RYR3: variants seen among roughly 807,000 people sequenced by gnomAD.
RYR3 encodes ryanodine receptor 3.
Under a neutral mutation model 584.3 loss-of-function variants are expected in RYR3, and 207 were observed. The ratio of observed to expected loss-of-function variants is 0.35; its 90% CI spans 0.32 to 0.40. The LOEUF is 0.40. RYR3 is among the 10% of genes least tolerant of loss of function. The pLI is 1.00. For synonymous variants in RYR3, 2,416 were observed against 2,248.5 expected, an observed-to-expected ratio of 1.07 and a Z score of -2.11; for missense variants, 5,616 against 6,089.2, an observed-to-expected ratio of 0.92 and a Z score of 2.59.
rs1412490098 is a variant in RYR3 at position 33,539,471 on chromosome 15, C to T, written c.546+9C>T. ...CCTCTGAAAGATACCTTGTAAGTACCTCATAATATAAGAGTCTTCTGTTTT... is the reference window on the plus strand; with the variant it reads ...CCTCTGAAAGATACCTTGTAAGTACTTCATAATATAAGAGTCTTCTGTTTT... On this transcript the variant is annotated intron_variant, in intron 6 of 103. Coordinates refer to ENST00000634891, the MANE Select transcript of RYR3 (RefSeq NM_001036.6). 3 of 1,520,312 alleles carry T rather than the reference C, an allele frequency of 2.0e-6. 1 individual carries two copies. The Admixed American group carries it at 5.5e-5, about 28-fold the overall frequency. The allele number at this position is 1,520,312 out of a possible 1,614,324, so 94.2% of individuals were successfully genotyped here.
intron 64 of RYR3, among the ~76,000 whole-genome samples, chr15:33,776,082 C>T (rs2073975332): frequency 6.6e-6 from 1 of 152,198 alleles, no homozygotes; most frequent in Non-Finnish European, 1.5e-5. Context: ...TTCTCTACCA[C>T]CTTTTGCTGG....
chr15:33,311,234 G>A lies in RYR3; in HGVS notation c.51+138G>A, dbSNP rs887528771. The A allele has an allele frequency of 1.1e-5, 6 of 564,786 alleles. No homozygotes were observed. The African/African-American group carries it at 1.2e-4, about 11-fold the overall frequency. The allele number at this position is 564,786 out of a possible 1,614,324, so 35.0% of individuals were successfully genotyped here. On this transcript the variant is annotated intron_variant, in intron 1 of 103. Transcript: ENST00000634891. This position sits in a 1 kb window ranked among gnomAD's most constrained non-coding sequence, Gnocchi z 4.4. The stretch of plus-strand genomic sequence containing the variant: ...TTTCTCCGCACCCGCGGGCTGCAGA[G>A]GCGGACCGGCCACCTACCCGCGGGG...
intron 38 of RYR3, among the ~76,000 whole-genome samples, chr15:33,676,092 T>C (rs115590283): frequency 3.9e-5 from 6 of 152,314 alleles, no homozygotes; most frequent in African/African-American, 1.4e-4. Flanking sequence ...TCTCGATTAT[T>C]GGAGTTGACC....
chr15:33,843,240 A>C (rs534815054), intron 91 of RYR3, among the ~76,000 whole-genome samples: 1 of 152,096 alleles, frequency 6.6e-6, no homozygotes, highest in Non-Finnish European at 1.5e-5. Context: ...GAATGGCATG[A>C]ACCCGGGAGG....
At chr15:33,406,175 C>A (rs571295064) in intron 1 of RYR3, among the ~76,000 whole-genome samples, 23 of 152,260 alleles carry the variant, frequency 1.5e-4, no homozygotes, top group African/African-American at 5.5e-4. Flanking sequence ...CCATAGAATA[C>A]CTTCTGTGCT....
chr15:33,493,633 G>C (rs192074445), intron 2 of RYR3, among the ~76,000 whole-genome samples: 1 of 152,120 alleles, frequency 6.6e-6, no homozygotes, highest in Non-Finnish European at 1.5e-5. Flanking sequence ...GTAACATGCC[G>C]ACCATGTGCT....
intron 16 of RYR3, among the ~76,000 whole-genome samples, chr15:33,588,567 G>C (rs898683373): frequency 2.6e-5 from 4 of 151,974 alleles, no homozygotes; most frequent in Non-Finnish European, 5.9e-5. Flanking sequence ...CCCAAATAAT[G>C]TACATTGTAC....
At chr15:33,799,986 C>T (rs2075837163) in intron 67 of RYR3, among the ~76,000 whole-genome samples, 1 of 152,144 alleles carries the variant, frequency 6.6e-6, no homozygotes, top group African/African-American at 2.4e-5. Context: ...TGGCAACTCA[C>T]CCAGCCCTTG....
chr15:33,351,797 A>G (rs11855659), intron 1 of RYR3, among the ~76,000 whole-genome samples: 1 of 150,390 alleles, frequency 6.6e-6, no homozygotes, highest in African/African-American at 2.4e-5. Flanking sequence ...ACCCACAGCC[A>G]ATATCATACT....
At chr15:33,769,765 G>A (rs1467623900) in intron 62 of RYR3, among the ~76,000 whole-genome samples, 1 of 151,880 alleles carries the variant, frequency 6.6e-6, no homozygotes, top group African/African-American at 2.4e-5. Context: ...ACCAGCCTGG[G>A]CAACATGGTG....
At chr15:33,735,529 G>C (rs567020834) in intron 48 of RYR3, among the ~76,000 whole-genome samples, 1 of 152,140 alleles carries the variant, frequency 6.6e-6, no homozygotes, top group African/African-American at 2.4e-5. Context: ...TTGTGTTTAT[G>C]TGTGTACACC....
chr15:33,614,429 A>G (rs902555242), intron 19 of RYR3, among the ~76,000 whole-genome samples: 2 of 152,052 alleles, frequency 1.3e-5, no homozygotes, highest in South Asian at 2.1e-4. Context: ...GGAATGTCCA[A>G]CTGATTGGAT....
At chr15:33,739,809 G>A (rs759996897) in intron 50 of RYR3, 23 bp from the exon 51 acceptor site, 17 of 1,607,584 alleles carry the variant, frequency 1.1e-5, no homozygotes, top group Non-Finnish European at 1.4e-5. Context: ...CTCTACTAAT[G>A]TGGCCTTGTT....
At chr15:33,683,709 C>T (rs994877984) in intron 38 of RYR3, among the ~76,000 whole-genome samples, 10 of 152,230 alleles carry the variant, frequency 6.6e-5, no homozygotes, top group Admixed American at 4.6e-4. Context: ...CACAAGGGGT[C>T]GGGGGATTTC....
chr15:33,403,485 A>G (rs1050241788), intron 1 of RYR3, among the ~76,000 whole-genome samples: 2 of 152,212 alleles, frequency 1.3e-5, no homozygotes, highest in African/African-American at 4.8e-5. Context: ...TTGAAGTGTC[A>G]ATAGTACATT....
At chr15:33,312,342 G>A (rs1967447092) in intron 1 of RYR3, among the ~76,000 whole-genome samples, 1 of 147,854 alleles carries the variant, frequency 6.8e-6, no homozygotes. Flanking sequence ...TTCCAAACAT[G>A]GTTCTTTTGT....
At chr15:33,824,369 G>A (rs17236623) in intron 81 of RYR3, among the ~76,000 whole-genome samples, 28,855 of 152,110 alleles carry the variant, frequency 0.19, 3,507 homozygotes, top group Admixed American at 0.3. Flanking sequence ...TTAAGCAGTA[G>A]GGAAGTTAAA....
At chr15:33,721,806 C>T (rs1156671663) in intron 43 of RYR3, among the ~76,000 whole-genome samples, 1 of 152,066 alleles carries the variant, frequency 6.6e-6, no homozygotes, top group Non-Finnish European at 1.5e-5. Flanking sequence ...GCTACCAACC[C>T]ACTTTTGAAT....
At chr15:33,761,068 T>C (rs1229299042) in intron 60 of RYR3, among the ~76,000 whole-genome samples, 2 of 152,104 alleles carry the variant, frequency 1.3e-5, no homozygotes, top group Non-Finnish European at 2.9e-5. Flanking sequence ...AAAGACACAA[T>C]GTACCAGAAT....
Sources: gnomAD v4.1 joint callset for allele counts (sites outside exome capture counted in the v4.1 genomes callset) on GRCh38, gnomAD v4.1.1 for gene constraint, Gnocchi (gnomAD v3.1) non-coding constraint, MANE v1.5 for transcripts, NCBI Gene and HGNC (gene_info 2026-07-23, HGNC 2026-07-21) for gene names.